Variants in PLD5 observed in about 807,000 individuals in gnomAD.
PLD5 encodes phospholipase D family member 5, also known as inactive phospholipase D5.
Under a neutral mutation model 61.1 loss-of-function variants are expected in PLD5, and 36 were observed. The ratio of observed to expected loss-of-function variants is 0.59; its 90% CI spans 0.45 to 0.78. The LOEUF (loss-of-function observed/expected upper bound fraction) is 0.78. PLD5 is among the 30% of genes least tolerant of loss of function. The pLI is 0.00. For synonymous variants in PLD5, 243 were observed against 242.8 expected (o/e 1.00, Z -0.01); for missense variants, 515 against 644.4 (o/e 0.80, Z 2.17).
At chr1:242,120,023 C>T (rs1662243298) in intron 6 of PLD5, among the ~76,000 whole-genome samples, 2 of 152,036 alleles carry the variant, frequency 1.3e-5, no homozygotes, top group Non-Finnish European at 2.9e-5. Context: ...GTCCATGCTA[C>T]AATATGGATA....
At chr1:242,308,720 G>A (rs912327238) in intron 2 of PLD5, among the ~76,000 whole-genome samples, 19 of 152,070 alleles carry the variant, frequency 1.2e-4, no homozygotes, top group African/African-American at 4.6e-4. Flanking sequence ...TTACTACTGG[G>A]AGTCACAAAA....
chr1:242,313,176 T>C (rs1397029873), intron 2 of PLD5, among the ~76,000 whole-genome samples: 1 of 152,232 alleles, frequency 6.6e-6, no homozygotes, highest in Admixed American at 6.5e-5. Flanking sequence ...TTTAGTTCCT[T>C]ATCTTTCTTA....
intron 2 of PLD5, among the ~76,000 whole-genome samples, chr1:242,346,976 G>A (rs1660175239): frequency 6.6e-6 from 1 of 152,202 alleles, no homozygotes. Flanking sequence ...TCCCTGCAAA[G>A]GACGTGATCT....
chr1:242,394,183 A>AGTATATATGT (rs1482800221), intron 1 of PLD5, among the ~76,000 whole-genome samples: 6,439 of 51,890 alleles, frequency 0.12, 1,695 homozygotes, highest in Admixed American at 0.23. Context: ...TGTATATATG[A>AGTATATATGT]GTATATATGA....
At chr1:242,328,738 G>A (rs1348482639) in intron 2 of PLD5, among the ~76,000 whole-genome samples, 4 of 152,128 alleles carry the variant, frequency 2.6e-5, no homozygotes, top group Admixed American at 2.0e-4. Context: ...GTTTTATTAG[G>A]CATTTCAGGT....
chr1:242,288,453 C>G lies in PLD5; in HGVS notation c.404G>C (p.Gly135Ala), dbSNP rs747528834. The G allele has an allele frequency of 1.2e-6, 2 of 1,612,556 alleles. No homozygotes were observed. The part of the protein sequence containing the change: ...NAPFHLSLFQ[G>A]WMNLLNMAKK... ...GGCCATGTTGAGTAAATTCATCCAG[C>G]CTTGGAAAAGTGATAAGTGAAATGG... Residue 135 changes from glycine to alanine, a missense_variant, in exon 3 of 10, where the codon GGC (glycine) becomes GCC (alanine). By Grantham distance (60) the Gly-to-Ala change is moderately conservative. This residue lies in a region of PLD5 where 450 missense variants were observed against 598.1 expected (regional missense o/e 0.75). Transcript: ENST00000536534.
At position 242,196,778 on chromosome 1, in the gene PLD5, T is replaced by C. The variant is rs116467973; in HGVS notation, c.735+23210A>G. 5.6e-3 allele frequency among the ~76,000 whole-genome samples: 859 copies of C among 152,304 alleles called. 8 individuals are homozygous for C. The highest frequency in any genetic ancestry group is 0.02 in the African/African-American group (822 of 41,576). ...TCCTTTGCCCTAACTCTGCTCCCTC[T>C]TCCACAGGTGATCACTGTGAACACA... On this transcript the variant is annotated intron_variant, in intron 5 of 9. Transcript: ENST00000536534.
intron 1 of PLD5, among the ~76,000 whole-genome samples, chr1:242,469,189 G>A (rs895236993): frequency 3.3e-5 from 5 of 152,150 alleles, no homozygotes; most frequent in South Asian, 4.1e-4. Flanking sequence ...TCTACAAGTG[G>A]GATTGCTTGT....
intron 2 of PLD5, among the ~76,000 whole-genome samples, chr1:242,299,552 C>T (rs567433639): frequency 6.6e-6 from 1 of 152,310 alleles, no homozygotes; most frequent in South Asian, 2.1e-4. Context: ...AATCACAACA[C>T]TCCATTGCCT....
At position 242,343,835 on chromosome 1, in the gene PLD5, T is replaced by A. The variant is rs148766088; in HGVS notation, c.326+4271A>T. ...AGATGCTGCAGGAAGCATGGTGGTA[T>A]GCTAGTCATGATCTGGCAAATAGAT... On this transcript the variant is annotated intron_variant, in intron 2 of 9. Coordinates refer to ENST00000536534, the MANE Select transcript of PLD5 (RefSeq NM_001372062.1). 2.8e-3 allele frequency among the ~76,000 whole-genome samples: 416 copies of A among 151,188 alleles called. 4 individuals carry two copies. Among genetic ancestry groups the A allele is most frequent in the African/African-American group, 9.6e-3 (395 of 41,146 alleles).
At chr1:242,341,058 C>T (rs550650132) in intron 2 of PLD5, among the ~76,000 whole-genome samples, 12 of 152,086 alleles carry the variant, frequency 7.9e-5, no homozygotes, top group Non-Finnish European at 1.8e-4. Context: ...GTAGACAATA[C>T]CATGTCTCAA....
intron 5 of PLD5, among the ~76,000 whole-genome samples, chr1:242,129,676 G>A (rs1663078266): frequency 6.6e-6 from 1 of 152,206 alleles, no homozygotes; most frequent in Non-Finnish European, 1.5e-5. Context: ...AGGAGTACAA[G>A]GCTGTTTTGT....
chr1:242,517,156 C>T (rs376213863), intron 1 of PLD5, among the ~76,000 whole-genome samples: 1 of 149,234 alleles, frequency 6.7e-6, no homozygotes, highest in Non-Finnish European at 1.5e-5. Context: ...GTGATAATGT[C>T]GTTACACATT....
chr1:242,160,212 G>T (rs574309189), intron 5 of PLD5, among the ~76,000 whole-genome samples: 2 of 152,084 alleles, frequency 1.3e-5, no homozygotes, highest in South Asian at 4.2e-4. Context: ...TAGAGAGAGG[G>T]GACTCATTAT....
chr1:242,499,383 A>G (rs951663908), intron 1 of PLD5, among the ~76,000 whole-genome samples: 1 of 152,232 alleles, frequency 6.6e-6, no homozygotes, highest in Non-Finnish European at 1.5e-5. Flanking sequence ...AAGAATTTGG[A>G]AGTGAAATCT....
chr1:242,155,763 A>G (rs1206024798), intron 5 of PLD5, among the ~76,000 whole-genome samples: 3 of 152,054 alleles, frequency 2.0e-5, no homozygotes, highest in Middle Eastern at 3.2e-3. Context: ...GAGTGTTTTC[A>G]TTCCATTTAT....
intron 2 of PLD5, among the ~76,000 whole-genome samples, chr1:242,334,399 CATATT>C (rs1199876356): frequency 6.6e-6 from 1 of 152,098 alleles, no homozygotes; most frequent in Non-Finnish European, 1.5e-5. Flanking sequence ...TGAAGATGCT[CATATT>C]ATAAGGACAA....
At chr1:242,123,707 T>C (rs944219431) in intron 6 of PLD5, among the ~76,000 whole-genome samples, 2 of 152,230 alleles carry the variant, frequency 1.3e-5, no homozygotes, top group East Asian at 3.8e-4. Flanking sequence ...ATCAACATGA[T>C]AATGAATGGG....
At chr1:242,432,481 T>G (rs1434032814) in intron 1 of PLD5, among the ~76,000 whole-genome samples, 1 of 152,022 alleles carries the variant, frequency 6.6e-6, no homozygotes, top group Non-Finnish European at 1.5e-5. Context: ...TCTCTGTCCC[T>G]GCTCAATGCT....
Sources: gnomAD v4.1 joint callset for allele counts (sites outside exome capture counted in the v4.1 genomes callset) on GRCh38, gnomAD v4.1.1 for gene constraint, gnomAD v4.1.1 regional missense constraint, MANE v1.5 for transcripts, NCBI Gene and HGNC (gene_info 2026-07-23, HGNC 2026-07-21) for gene names.